Variants in MXRA7 observed in about 807,000 individuals in gnomAD.
MXRA7 encodes matrix-remodeling-associated protein 7.
Under a neutral mutation model 17.4 loss-of-function variants are expected in MXRA7, and 18 were observed. The observed-to-expected ratio is 1.03, with a 90% confidence interval of 0.71 to 1.53. MXRA7 has a LOEUF of 1.53. MXRA7 is among the 40% of genes most tolerant of loss of function. The pLI, the probability that MXRA7 is intolerant of heterozygous loss-of-function variation, is 0.00. For missense variants in MXRA7, 141 were observed against 209.3 expected, an observed-to-expected ratio of 0.67 and a Z score of 2.01; for synonymous variants, 70 against 101.7, an observed-to-expected ratio of 0.69 and a Z score of 1.87.
At chr17:76,680,938 T>C (rs1407673607) in intron 3 of MXRA7, 59 bp from the exon 4 acceptor site, 2 of 1,399,452 alleles carry the variant, frequency 1.4e-6, no homozygotes, top group Non-Finnish European at 2.0e-6. Context: ...TCCTGCACCA[T>C]GGGCAAGGAA....
chr17:76,706,888 A>T (rs2076668015), intron 1 of MXRA7, among the ~76,000 whole-genome samples: 1 of 152,196 alleles, frequency 6.6e-6, no homozygotes, highest in South Asian at 2.1e-4. Flanking sequence ...TAGATTCACC[A>T]ATGGTTAACA....
rs913858922 is a variant in MXRA7 at position 76,697,501 on chromosome 17, C to T, written c.343-9325G>A. On this transcript the variant is annotated intron_variant, in intron 1 of 3. Transcript: ENST00000449428. The stretch of plus-strand genomic sequence containing the variant: ...ACAGTGAATTGAGACAGGCAGCTGG[C>T]GTCACCCTGGCTGGTCCCCAGGGCA... 6.6e-5 allele frequency among the ~76,000 whole-genome samples: 10 copies of T among 152,226 alleles called. No homozygotes were observed. In the South Asian group the frequency reaches 1.0e-3, roughly 16 times the overall value.
At chr17:76,685,228 C>T in intron 2 of MXRA7, 63 bp from the exon 3 acceptor site, 1 of 1,224,900 alleles carries the variant, frequency 8.2e-7, no homozygotes, top group Non-Finnish European at 1.2e-6. Context: ...CAAACCCCGG[C>T]CCCCTTTCCC....
chr17:76,688,607 C>A, intron 1 of MXRA7: 1 of 1,250,890 alleles, frequency 8.0e-7, no homozygotes. Flanking sequence ...GCTTTGCTTC[C>A]TTCTATGTTG....
intron 1 of MXRA7, among the ~76,000 whole-genome samples, chr17:76,698,157 G>A (rs1311482598): frequency 2.6e-5 from 4 of 152,126 alleles, no homozygotes; most frequent in Admixed American, 6.5e-5. Context: ...GAGGCAGGCC[G>A]TTCCTAACTC....
At chr17:76,682,279 G>T (rs1567976638) in intron 3 of MXRA7, among the ~76,000 whole-genome samples, 1 of 152,164 alleles carries the variant, frequency 6.6e-6, no homozygotes, top group African/African-American at 2.4e-5. Flanking sequence ...TAAATTTAAA[G>T]TTAGGGGACG....
At chr17:76,686,903 TG>T (rs933717299) in intron 2 of MXRA7, among the ~76,000 whole-genome samples, 1 of 103,610 alleles carries the variant, frequency 9.7e-6, no homozygotes, top group Admixed American at 9.9e-5. Context: ...GCGCTGGGGG[TG>T]GGGGATGTTC....
downstream of MXRA7, chr17:76,677,769 G>T: frequency 8.6e-7 from 1 of 1,158,808 alleles, no homozygotes; most frequent in Non-Finnish European, 1.3e-6. Flanking sequence ...GGGAGCCTGT[G>T]TGCAGCCGGC....
downstream of MXRA7, among the ~76,000 whole-genome samples, chr17:76,678,191 G>A (rs1165968241): frequency 1.3e-5 from 2 of 152,192 alleles, no homozygotes; most frequent in Non-Finnish European, 2.9e-5. Flanking sequence ...TGTGCAAGAC[G>A]GTGCTTGGCA....
At chr17:76,701,771 G>A (rs1424342776) in intron 1 of MXRA7, among the ~76,000 whole-genome samples, 1 of 152,106 alleles carries the variant, frequency 6.6e-6, no homozygotes, top group African/African-American at 2.4e-5. Flanking sequence ...GCCGACTGCT[G>A]CGTTCCAATG....
In MXRA7 at chr17:76,710,607, G is replaced by C; in HGVS notation, c.340C>G (p.Gln114Glu). The C allele has an allele frequency of 7.3e-7, 1 of 1,377,972 alleles. No homozygotes were observed. Among genetic ancestry groups the C allele is most frequent in the Non-Finnish European group, 9.4e-7 (1 of 1,061,560 alleles). 85.4% of individuals were successfully genotyped at this position (1,377,972 alleles called of 1,614,324 possible). Residue 114 changes from glutamine (Q) to glutamate (E), a missense_variant and splice_region_variant, in exon 1 of 4, where the codon CAG (glutamine) becomes GAG (glutamate). Physicochemically the swap from Gln to Glu is conservative, Grantham distance 29. Transcript: ENST00000449428. Reference sequence around the variant, plus strand: ...GCCGCGAGGGCCCCGGTGCGTACCTGCCTCGCCTCCACCGCCTGCTCCTCC... The same window carrying C: ...GCCGCGAGGGCCCCGGTGCGTACCTCCCTCGCCTCCACCGCCTGCTCCTCC... ...EAEEQAVEAR[Q>E]EEEQDLDGEK...
chr17:76,686,637 C>G lies in MXRA7; in HGVS notation c.407-1472G>C, dbSNP rs557639845. Among the ~76,000 whole-genome samples, 37 of 152,372 alleles carry G rather than the reference C, an allele frequency of 2.4e-4. No homozygotes were observed. The South Asian group carries it at 7.5e-3, about 31-fold the overall frequency. On this transcript the variant is annotated intron_variant, in intron 2 of 3. Transcript: ENST00000449428. ...GCTCAGTCACATGCAGTGCACCAGG[C>G]AGCGCATCCAGTTTTGCTAGACCAG...
At chr17:76,677,386 C>G (rs1408281940), downstream of MXRA7, 4 of 507,884 alleles carry the variant, frequency 7.9e-6, no homozygotes, top group Non-Finnish European at 1.1e-5. Flanking sequence ...GGGTCAGGGA[C>G]TTTGTCTTCT....
intron 1 of MXRA7, among the ~76,000 whole-genome samples, chr17:76,701,389 G>T (rs1046289888): frequency 6.6e-6 from 1 of 151,916 alleles, no homozygotes; most frequent in Non-Finnish European, 1.5e-5. Flanking sequence ...GATGAGGAAT[G>T]CCGGGTGGAG....
chr17:76,706,612 T>C (rs2076664710), intron 1 of MXRA7, among the ~76,000 whole-genome samples: 1 of 152,160 alleles, frequency 6.6e-6, no homozygotes, highest in African/African-American at 2.4e-5. Flanking sequence ...GTGAACAGGT[T>C]GGTGAGGGCA....
Position 76,689,669 on chromosome 17 carries a change from A to G in MXRA7, c.343-1493T>C, listed in dbSNP as rs141798345. ...TCTGCTCCAGACTGGAGAAATGTCC[A>G]TCAGGATTTTTATATAATGACTCTG... On this transcript the variant is annotated intron_variant, in intron 1 of 3. Coordinates refer to ENST00000449428, the MANE Select transcript of MXRA7 (RefSeq NM_198530.4). The G allele has an allele frequency of 9.2e-3, 1,408 of 152,306 alleles. 11 individuals carry two copies. Among genetic ancestry groups the G allele is most frequent in the Non-Finnish European group, 0.015 (993 of 68,026 alleles). The allele number at this position is 152,306 out of a possible 1,614,324, so 9.4% of individuals were successfully genotyped here.
chr17:76,685,555 T>C (rs541285792), intron 2 of MXRA7, among the ~76,000 whole-genome samples: 2 of 152,302 alleles, frequency 1.3e-5, no homozygotes, highest in African/African-American at 2.4e-5. Flanking sequence ...TTGGGGAGGC[T>C]TGTGTCATCC....
chr17:76,681,944 G>C lies in MXRA7; in HGVS notation c.501-1065C>G, dbSNP rs1598335051. 6.6e-6 allele frequency among the ~76,000 whole-genome samples: 1 copy of C among 152,226 alleles called. No homozygotes were observed. The highest frequency in any genetic ancestry group is 6.5e-5 in the Admixed American group (1 of 15,286). On this transcript the variant is annotated intron_variant, in intron 3 of 3. Transcript: ENST00000449428. This position sits in a 1 kb window ranked among gnomAD's most constrained non-coding sequence, Gnocchi z 4.7. ...TCAGCGGAACCCAGGGACGCCACCA[G>C]AGGCATGAAGTGTGTGAAACTCCGG...
At chr17:76,685,616 C>T (rs1312917434) in intron 2 of MXRA7, among the ~76,000 whole-genome samples, 1 of 152,252 alleles carries the variant, frequency 6.6e-6, no homozygotes, top group Admixed American at 6.5e-5. Context: ...CCAGGCAGCC[C>T]ACAGTGGCCA....
Sources: gnomAD v4.1 joint callset for allele counts (sites outside exome capture counted in the v4.1 genomes callset) on GRCh38, gnomAD v4.1.1 for gene constraint, Gnocchi (gnomAD v3.1) non-coding constraint, MANE v1.5 for transcripts, NCBI Gene and HGNC (gene_info 2026-07-23, HGNC 2026-07-21) for gene names.